Variants in CASR observed in about 807,000 individuals in gnomAD.
CASR encodes the protein extracellular calcium-sensing receptor.
Under a neutral mutation model 69.1 loss-of-function variants are expected in CASR, and 23 were observed. The ratio of observed to expected loss-of-function variants is 0.33; its 90% CI spans 0.24 to 0.47. The LOEUF (loss-of-function observed/expected upper bound fraction) is 0.47. CASR is among the 20% of genes least tolerant of loss of function. The probability of loss-of-function intolerance (pLI) is 1.00; values close to 1 mark genes in which losing one functional copy is unlikely to be tolerated. For missense variants in CASR, 924 were observed against 1,356.1 expected (o/e 0.68, Z 5.00); for synonymous variants, 541 against 544.7 (o/e 0.99, Z 0.10).
Position 122,227,323 on chromosome 3 carries a change from G to A in CASR, c.-242-26625G>A, listed in dbSNP as rs567083314. ...AGCCCATGGTGGGGGGTTGGGGTGGGGAGGGCTCAGGCATGGCGGGCTGCA... is the reference window on the plus strand; with the variant it reads ...AGCCCATGGTGGGGGGTTGGGGTGGAGAGGGCTCAGGCATGGCGGGCTGCA... On this transcript the variant is annotated intron_variant, in intron 1 of 6. Coordinates refer to ENST00000639785, the MANE Select transcript of CASR (RefSeq NM_000388.4). Among the ~76,000 whole-genome samples, 3 of 152,322 alleles carry A rather than the reference G, an allele frequency of 2.0e-5. No homozygotes were observed. The South Asian group carries it at 6.2e-4, about 32-fold the overall frequency.
chr3:122,234,471 A>G (rs1178602607), intron 1 of CASR, among the ~76,000 whole-genome samples: 1 of 152,234 alleles, frequency 6.6e-6, no homozygotes, highest in African/African-American at 2.4e-5. Context: ...CTTACTTCTC[A>G]TTAGACAGAT....
chr3:122,242,954 G>A (rs1350165938), intron 1 of CASR, among the ~76,000 whole-genome samples: 1 of 152,116 alleles, frequency 6.6e-6, no homozygotes, highest in Non-Finnish European at 1.5e-5. Context: ...ATGGTGCTGA[G>A]AAAATTGGAT....
rs372952830 is a variant in CASR, at chr3:122,252,261, T to C, written c.-242-1687T>C. Among the ~76,000 whole-genome samples the C allele has an allele frequency of 1.0e-4, 15 of 148,710 alleles. No homozygotes were observed. The East Asian group carries it at 1.6e-3, about 16-fold the overall frequency. ...TTGTAGTGAGCTGTGATGGCGCCAC[T>C]GCATTCCAGGCTGGGCGACAGAGCC... On this transcript the variant is annotated intron_variant, in intron 1 of 6. Coordinates refer to ENST00000639785, the MANE Select transcript of CASR (RefSeq NM_000388.4).
intron 4 of CASR, among the ~76,000 whole-genome samples, chr3:122,273,995 T>C (rs1159929639): frequency 6.6e-6 from 1 of 152,208 alleles, no homozygotes; most frequent in East Asian, 1.9e-4. Flanking sequence ...ACTGACGGCC[T>C]TAAGGCCTCA....
chr3:122,242,760 C>T (rs72969352), intron 1 of CASR, among the ~76,000 whole-genome samples: 1 of 152,030 alleles, frequency 6.6e-6, no homozygotes, highest in Non-Finnish European at 1.5e-5. Context: ...ATCACATTAT[C>T]GACTTTCATA....
intron 1 of CASR, among the ~76,000 whole-genome samples, chr3:122,222,687 G>A (rs1028850429): frequency 1.3e-4 from 20 of 152,062 alleles, no homozygotes; most frequent in African/African-American, 4.3e-4. Flanking sequence ...AAGATATTCT[G>A]GACGTAAACT....
At chr3:122,252,409 A>AGGAAGGTAGGAAGGAAAAAGAAAG (rs1553765626) in intron 1 of CASR, among the ~76,000 whole-genome samples, 2 of 6,474 alleles carry the variant, frequency 3.1e-4, no homozygotes, top group Admixed American at 2.4e-3. Context: ...GAAGGAAGGA[A>AGGAAGGTAGGAAGGAAAAAGAAAG]AAAGAAAGAA....
chr3:122,255,258 C>T (rs971322384), intron 2 of CASR, among the ~76,000 whole-genome samples: 3 of 152,104 alleles, frequency 2.0e-5, no homozygotes, highest in Non-Finnish European at 2.9e-5. Flanking sequence ...TATCACCTCC[C>T]CTAATCTACA....
intron 1 of CASR, among the ~76,000 whole-genome samples, chr3:122,229,308 G>T (rs1362567337): frequency 1.3e-5 from 2 of 152,172 alleles, no homozygotes; most frequent in Non-Finnish European, 2.9e-5. Context: ...TCCTACCAGA[G>T]TGTGTAGTGT....
In CASR at chr3:122,291,000, T is replaced by A. The variant is rs1297813607; in HGVS notation, c.*5809T>A. 1 of 151,410 alleles carries A rather than the reference T, an allele frequency of 6.6e-6. No individual in the cohort carries two copies. The highest frequency in any genetic ancestry group is 2.4e-5 in the African/African-American group (1 of 41,184). The allele number at this position is 151,410 out of a possible 1,614,324, so 9.4% of individuals were successfully genotyped here. ...TGGTGTTTGGTTTTTTGTCCTTGTA[T>A]TAGTTTGCTGAGAATGATGGTTTCC... On this transcript the variant is annotated 3_prime_UTR_variant, in exon 7 of 7. Coordinates refer to ENST00000639785, the MANE Select transcript of CASR (RefSeq NM_000388.4).
Position 122,284,002 on chromosome 3 carries a change from C to T in CASR, c.2048C>T (p.Ala683Val), listed in dbSNP as rs1449068520. ...QDWTCRLRQP[A>V]FGISFVLCIS... ...TGGACGTGCCGCCTGCGCCAGCCGG[C>T]CTTTGGCATCAGCTTCGTGCTCTGC... Residue 683 changes from alanine (A) to valine (V), a missense_variant, in exon 7 of 7, where the codon GCC (alanine) becomes GTC (valine). Ala to Val is a moderately conservative substitution (Grantham distance 64). Around this residue, in one of 8 missense-constraint regions of CASR, gnomAD observed 184 missense variants for 278.8 expected, o/e 0.66. Transcript: ENST00000639785. 1.2e-6 allele frequency: 2 copies of T among 1,613,898 alleles called. No homozygotes were observed. Among genetic ancestry groups the T allele is most frequent in the Admixed American group, 3.3e-5 (2 of 60,020 alleles).
rs556263764 is a variant in CASR, at chr3:122,285,188, A to T, written c.3234A>T (p.Ser1078=). The change falls in exon 7 of 7, where the codon TCA becomes TCT. Residue 1078 remains serine (S), a synonymous_variant. Transcript: ENST00000639785. ...GSTVTENVVN[S] is the part of the protein sequence containing the mutation. The stretch of plus-strand genomic sequence containing the variant: ...CTGTTACAGAAAACGTAGTGAATTC[A>T]TAAAATGGAAGGAGAAGACTGGGCT... 34 of 1,613,968 alleles carry T rather than the reference A, an allele frequency of 2.1e-5. No homozygotes were observed. The highest frequency in any genetic ancestry group is 5.0e-5 in the Admixed American group (3 of 60,030).
intron 2 of CASR, 50 bp from the exon 3 acceptor site, chr3:122,257,031 G>A: frequency 6.5e-7 from 1 of 1,530,296 alleles, no homozygotes; most frequent in Middle Eastern, 1.7e-4. Context: ...TTACTCTAAA[G>A]TCGTTGACTA....
chr3:122,272,900 G>A (rs1234682407), intron 4 of CASR, among the ~76,000 whole-genome samples: 1 of 152,212 alleles, frequency 6.6e-6, no homozygotes, highest in East Asian at 1.9e-4. Flanking sequence ...GAAATCTCCA[G>A]CCCATGCCAA....
At position 122,257,270 on chromosome 3, in the gene CASR, T is replaced by G. The variant is rs780725247; in HGVS notation, c.375T>G (p.Leu125=). 5.0e-6 allele frequency: 8 copies of G among 1,614,024 alleles called. No individual in the cohort carries two copies. The highest frequency in any genetic ancestry group is 1.7e-5 in the Admixed American group (1 of 60,004). The change falls in exon 3 of 7, where the codon CTT becomes CTG. Residue 125 remains leucine (L), a synonymous_variant. Transcript: ENST00000639785. ...VAQNKIDSLN[L]DEFCNCSEHI... Reference sequence around the variant, plus strand: ...AAAACAAAATTGATTCTTTGAACCTTGATGAGTTCTGCAACTGCTCAGAGC... The same window carrying G: ...AAAACAAAATTGATTCTTTGAACCTGGATGAGTTCTGCAACTGCTCAGAGC...
At position 122,187,827 on chromosome 3, in the gene CASR, G is replaced by A. The variant is rs1234324682; in HGVS notation, c.-243+4015G>A. On this transcript the variant is annotated intron_variant, in intron 1 of 6. Transcript: ENST00000639785. ...AGTGGTTCAAGGAGCTGAAGCATAA[G>A]GAGCCAAGAGGTAGGGAGGCTAGCA... Among the ~76,000 whole-genome samples, 3 of 152,198 alleles carry A rather than the reference G, an allele frequency of 2.0e-5. No individual in the cohort carries two copies. The East Asian group carries it at 5.8e-4, about 29-fold the overall frequency.
Position 122,278,433 on chromosome 3 carries a change from A to G in CASR, c.1608+2391A>G, listed in dbSNP as rs139897356. On this transcript the variant is annotated intron_variant, in intron 5 of 6. Coordinates refer to ENST00000639785, the MANE Select transcript of CASR (RefSeq NM_000388.4). ...TAGACCTCAGTGCTCCATTCCCTAC[A>G]CTGTGCTGCCAATAATTCTTTCCTT... 2.0e-5 allele frequency among the ~76,000 whole-genome samples: 3 copies of G among 152,318 alleles called. No individual in the cohort carries two copies. The East Asian group carries it at 5.8e-4, about 29-fold the overall frequency.
intron 1 of CASR, among the ~76,000 whole-genome samples, chr3:122,187,292 C>G (rs2073795133): frequency 6.6e-6 from 1 of 152,124 alleles, no homozygotes. Context: ...TCTAAAGCTG[C>G]ATGATCCTTT....
intron 3 of CASR, 129 bp from the exon 4 acceptor site, chr3:122,261,399 G>GT: frequency 1.2e-6 from 1 of 830,720 alleles, no homozygotes; most frequent in Non-Finnish European, 2.1e-6. Flanking sequence ...CCTGTATACA[G>GT]TGAACAGCAT....
Sources: allele counts gnomAD v4.1 joint callset (sites outside exome capture counted in the v4.1 genomes callset), GRCh38; gene constraint gnomAD v4.1.1; regional missense constraint gnomAD v4.1.1; transcripts MANE v1.5; gene names NCBI Gene and HGNC (gene_info 2026-07-23, HGNC 2026-07-21).